MKLN1: variants seen among roughly 807,000 people sequenced by gnomAD.
The protein encoded by MKLN1 is muskelin 1.
A neutral mutation model predicts 99.0 loss-of-function variants in MKLN1; 18 were observed. The ratio of observed to expected loss-of-function variants is 0.18; its 90% CI spans 0.13 to 0.27. MKLN1 has a LOEUF of 0.27. Ranked by LOEUF, MKLN1 falls within the 10% of genes least tolerant of loss-of-function variation. MKLN1 has a pLI of 1.00. For synonymous variants in MKLN1, 288 were observed against 293.2 expected, an observed-to-expected ratio of 0.98 and a Z score of 0.18; for missense variants, 621 against 875.9, an observed-to-expected ratio of 0.71 and a Z score of 3.67.
chr7:131,145,332 G>A (rs576657224), intron 2 of MKLN1, among the ~76,000 whole-genome samples: 12 of 152,130 alleles, frequency 7.9e-5, no homozygotes, highest in African/African-American at 2.2e-4. Context: ...AGCTACACAC[G>A]GCACGAAGAT....
intron 1 of MKLN1, among the ~76,000 whole-genome samples, chr7:131,133,381 G>A (rs1795591437): frequency 9.9e-6 from 1 of 101,020 alleles, no homozygotes; most frequent in African/African-American, 3.9e-5. Flanking sequence ...TTGAGATGGA[G>A]TCTCACTATG....
chr7:131,120,019 G>A (rs574301800), intron 1 of MKLN1, among the ~76,000 whole-genome samples: 133 of 152,196 alleles, frequency 8.7e-4, no homozygotes, highest in African/African-American at 3.1e-3. Context: ...GCTTTTAGAA[G>A]CAGCCAGGCC....
intron 1 of MKLN1, among the ~76,000 whole-genome samples, chr7:131,127,497 A>G (rs1795482754): frequency 6.6e-6 from 1 of 152,212 alleles, no homozygotes; most frequent in South Asian, 2.1e-4. Flanking sequence ...CGGCCCACAG[A>G]AGCCACGTCA....
At chr7:131,123,022 CAAAAAAAA>C (rs59581806) in intron 1 of MKLN1, among the ~76,000 whole-genome samples, 120 of 60,390 alleles carry the variant, frequency 2.0e-3, no homozygotes, top group African/African-American at 7.4e-3. Context: ...GACTCCGTCT[CAAAAAAAA>C]AAAAAAAAAA....
rs773203121 is a variant in MKLN1, at chr7:131,478,628, G to C, written c.2037G>C (p.Gln679His). ...TTTTTTTTTTTTTTAAACAGTTTCAGCTCCTGGCATCAGCTCTATTCAAAT... is the reference window on the plus strand; with the variant it reads ...TTTTTTTTTTTTTTAAACAGTTTCACCTCCTGGCATCAGCTCTATTCAAAT... Reference protein sequence around the residue: ...HSDPEETKEFQLLASALFKSG... With the variant: ...HSDPEETKEFHLLASALFKSG... Residue 679 changes from glutamine (Q) to histidine (H), a missense_variant, in exon 17 of 18, where the codon CAG (glutamine) becomes CAC (histidine). Physicochemically the swap from Gln to His is conservative, Grantham distance 24. Transcript: ENST00000352689. 1.7e-6 allele frequency: 2 copies of C among 1,150,064 alleles called. No individual in the cohort carries two copies. Among genetic ancestry groups the C allele is most frequent in the Non-Finnish European group, 2.3e-6 (2 of 857,110 alleles). The allele number at this position is 1,150,064 out of a possible 1,614,324, so 71.2% of individuals were successfully genotyped here. A position where few individuals can be genotyped will look rare whatever the true frequency, so the allele number is the denominator to read the frequency against.
intron 1 of MKLN1, among the ~76,000 whole-genome samples, chr7:131,139,846 G>A (rs1441713134): frequency 6.6e-6 from 1 of 152,134 alleles, no homozygotes; most frequent in Admixed American, 6.5e-5. Flanking sequence ...TGCAGTTTTG[G>A]CCAAGACCAG....
chr7:131,291,556 AAC>A (rs1798217419), intron 3 of MKLN1, among the ~76,000 whole-genome samples: 2 of 144,484 alleles, frequency 1.4e-5, no homozygotes, highest in Non-Finnish European at 3.0e-5. Flanking sequence ...TAATATATAT[AAC>A]ACAGAATACA....
chr7:131,323,416 G>A (rs986895132), upstream of MKLN1: 11 of 152,072 alleles, frequency 7.2e-5, no homozygotes, highest in African/African-American at 2.7e-4. Flanking sequence ...GAAGTTTTTA[G>A]GTGCCAGTGG....
At chr7:131,262,839 C>A (rs1797753372) in intron 3 of MKLN1, among the ~76,000 whole-genome samples, 1 of 152,126 alleles carries the variant, frequency 6.6e-6, no homozygotes, top group African/African-American at 2.4e-5. Context: ...AGCCACCACC[C>A]CCAGCCTGGT....
rs756407308 is a variant in MKLN1 at position 131,216,816 on chromosome 7, G to A, written c.-179+13842G>A. 3.1e-4 allele frequency among the ~76,000 whole-genome samples: 47 copies of A among 152,222 alleles called. 1 individual carries two copies. The highest frequency in any genetic ancestry group is 6.0e-4 in the Non-Finnish European group (41 of 68,042). ...GCCTCTTACTAACCAGACAGCCACA[G>A]GACTGTGAGTTCCTCCAATGATAGG... On this transcript the variant is annotated intron_variant, in intron 3 of 7. Coordinates refer to the MKLN1 transcript ENST00000416992.
At chr7:131,237,421 G>C (rs140263688) in intron 3 of MKLN1, among the ~76,000 whole-genome samples, 1 of 152,280 alleles carries the variant, frequency 6.6e-6, no homozygotes, top group African/African-American at 2.4e-5. Flanking sequence ...CACAGGAAAT[G>C]ATTCCCAGAA....
intron 3 of MKLN1, among the ~76,000 whole-genome samples, chr7:131,313,142 C>T (rs901345090): frequency 2.0e-5 from 3 of 152,174 alleles, no homozygotes; most frequent in Non-Finnish European, 4.4e-5. Context: ...AATTTGAAGA[C>T]GTTTCTATTT....
At chr7:131,395,294 T>C (rs1563327151) in intron 4 of MKLN1, among the ~76,000 whole-genome samples, 1 of 152,008 alleles carries the variant, frequency 6.6e-6, no homozygotes, top group African/African-American at 2.4e-5. Context: ...ACTTAAATAA[T>C]TGTACAGGTC....
chr7:131,414,548 G>A, intron 7 of MKLN1, 97 bp from the exon 8 acceptor site: 1 of 730,524 alleles, frequency 1.4e-6, no homozygotes, highest in South Asian at 1.7e-5. Context: ...ATAAGGGTGG[G>A]TTATTTTTAC....
At position 131,189,976 on chromosome 7, in the gene MKLN1, T is replaced by C. The variant is rs181647998; in HGVS notation, c.-296-12881T>C. Among the ~76,000 whole-genome samples, 141 of 152,196 alleles carry C rather than the reference T, an allele frequency of 9.3e-4. 1 individual carries two copies. Among genetic ancestry groups the C allele is most frequent in the African/African-American group, 3.0e-3 (125 of 41,520 alleles). On this transcript the variant is annotated intron_variant, in intron 2 of 7. Transcript: ENST00000416992. ...GAGTGCAGAAAATCAGAAGTTAACC[T>C]TGGGTGGGTCACAAGGTTAAATGTA...
chr7:131,455,234 C>T (rs1293567174), intron 12 of MKLN1, among the ~76,000 whole-genome samples: 3 of 151,958 alleles, frequency 2.0e-5, no homozygotes, highest in African/African-American at 7.3e-5. Flanking sequence ...CAAAGGACTT[C>T]GAAAATATTT....
At chr7:131,486,125 G>A (rs959293815) in intron 17 of MKLN1, among the ~76,000 whole-genome samples, 18 of 151,954 alleles carry the variant, frequency 1.2e-4, no homozygotes, top group African/African-American at 4.3e-4. Flanking sequence ...GAACATATTT[G>A]ATGAAACATT....
intron 1 of MKLN1, among the ~76,000 whole-genome samples, chr7:131,341,199 G>C (rs1342996898): frequency 5.3e-5 from 8 of 151,632 alleles, no homozygotes; most frequent in Non-Finnish European, 1.0e-4. Context: ...GTGTTTTTGA[G>C]ATGTAATTTA....
intron 5 of MKLN1, among the ~76,000 whole-genome samples, chr7:131,398,270 G>A (rs1246241334): frequency 6.6e-6 from 1 of 152,112 alleles, no homozygotes; most frequent in Non-Finnish European, 1.5e-5. Flanking sequence ...CTTTTTATAA[G>A]ATTGTATTTT....
Sources: allele counts gnomAD v4.1 joint callset (sites outside exome capture counted in the v4.1 genomes callset), GRCh38; gene constraint gnomAD v4.1.1; transcripts MANE v1.5; gene names NCBI Gene and HGNC (gene_info 2026-07-23, HGNC 2026-07-21).